Variants in FBXO17 observed in about 807,000 individuals in gnomAD.
FBXO17 encodes F-box only protein 17.
FBXO17 carries 43 observed loss-of-function variants against 34.1 expected under a neutral mutation model. That is an observed-to-expected ratio of 1.26 (90% confidence interval 0.99 to 1.62). The LOEUF (loss-of-function observed/expected upper bound fraction) is 1.62. FBXO17 is among the 40% of genes most tolerant of loss of function. The pLI, the probability that FBXO17 is intolerant of heterozygous loss-of-function variation, is 0.00. For synonymous variants in FBXO17, 169 were observed against 166.0 expected (o/e 1.02, Z -0.14); for missense variants, 424 against 386.7 (o/e 1.10, Z -0.81).
At chr19:38,957,144 C>T (rs377364904) in intron 1 of FBXO17, among the ~76,000 whole-genome samples, 1 of 150,986 alleles carries the variant, frequency 6.6e-6, no homozygotes, top group Non-Finnish European at 1.5e-5. Context: ...CTTGAACCCG[C>T]GAGGTGGAGG....
At chr19:38,946,844 A>T (rs905991990) in intron 3 of FBXO17, 20 of 459,184 alleles carry the variant, frequency 4.4e-5, no homozygotes, top group Middle Eastern at 6.1e-4. Context: ...CTACAAATGA[A>T]GGCCACATAC....
At chr19:38,951,847 C>G (rs979885717) in intron 1 of FBXO17, among the ~76,000 whole-genome samples, 32 of 151,768 alleles carry the variant, frequency 2.1e-4, no homozygotes, top group Admixed American at 6.6e-4. Flanking sequence ...GACAGTTTCA[C>G]CATGTTGGCC....
At chr19:38,952,381 AC>A (rs1271607321) in intron 1 of FBXO17, among the ~76,000 whole-genome samples, 1 of 152,148 alleles carries the variant, frequency 6.6e-6, no homozygotes, top group Non-Finnish European at 1.5e-5. Flanking sequence ...GGAACCCATG[AC>A]CCATCTTCAA....
intron 1 of FBXO17, among the ~76,000 whole-genome samples, chr19:38,973,405 C>T (rs373344478): frequency 2.6e-4 from 40 of 152,070 alleles, no homozygotes; most frequent in African/African-American, 8.2e-4. Flanking sequence ...ATACCCACTC[C>T]GTGAACAATT....
At chr19:38,943,696 T>C (rs1974928818) in intron 5 of FBXO17, among the ~76,000 whole-genome samples, 1 of 152,176 alleles carries the variant, frequency 6.6e-6, no homozygotes, top group African/African-American at 2.4e-5. Flanking sequence ...GTTCAATAAA[T>C]TCTCCCGCCT....
At chr19:38,961,049 C>G (rs1975242506) in intron 1 of FBXO17, among the ~76,000 whole-genome samples, 1 of 152,146 alleles carries the variant, frequency 6.6e-6, no homozygotes, top group African/African-American at 2.4e-5. Context: ...CTCAAGTGAT[C>G]CTCCCGCCTT....
intron 1 of FBXO17, among the ~76,000 whole-genome samples, chr19:38,950,802 T>G (rs1975072011): frequency 6.6e-6 from 1 of 152,224 alleles, no homozygotes; most frequent in Non-Finnish European, 1.5e-5. Flanking sequence ...AAGATTTTTT[T>G]TTTTTGAGAC....
At chr19:38,960,578 G>A (rs10416101) in intron 1 of FBXO17, among the ~76,000 whole-genome samples, 24,267 of 151,504 alleles carry the variant, frequency 0.16, 2,428 homozygotes, top group African/African-American at 0.28. Flanking sequence ...GCACGATCTC[G>A]GCTCACTGTA....
Position 38,972,415 on chromosome 19 carries a change from C to T in FBXO17, c.-18+3171G>A, listed in dbSNP as rs141795919. Among the ~76,000 whole-genome samples, 523 of 151,828 alleles carry T rather than the reference C, an allele frequency of 3.4e-3. 2 individuals are homozygous for T. Among genetic ancestry groups the T allele is most frequent in the African/African-American group, 0.012 (491 of 41,424 alleles). ...TAAAAATTAGCTGGGTGTGGTGGCA[C>T]GCACCTGTAATCCCAGCTACTCAGG... is the stretch of plus-strand genomic sequence containing the variant. On this transcript the variant is annotated intron_variant, in intron 1 of 5. Coordinates refer to ENST00000292852, the MANE Select transcript of FBXO17 (RefSeq NM_024907.7).
chr19:38,958,406 CAAAAAAAAAA>C (rs61007658), intron 1 of FBXO17, among the ~76,000 whole-genome samples: 5 of 98,738 alleles, frequency 5.1e-5, no homozygotes, highest in African/African-American at 1.8e-4. Flanking sequence ...GAAACTGTCT[CAAAAAAAAAA>C]AAAAAAAAAA....
At chr19:38,968,782 G>A (rs1377213086) in intron 1 of FBXO17, among the ~76,000 whole-genome samples, 1 of 152,170 alleles carries the variant, frequency 6.6e-6, no homozygotes, top group Admixed American at 6.6e-5. Context: ...CTACATGAAA[G>A]AGGCCAGATG....
intron 1 of FBXO17, among the ~76,000 whole-genome samples, chr19:38,969,782 G>T (rs1223966655): frequency 1.3e-5 from 2 of 151,924 alleles, no homozygotes; most frequent in Non-Finnish European, 2.9e-5. Flanking sequence ...ATTTTTAGTA[G>T]AGACAGGGTT....
chr19:38,954,466 C>T (rs1459702599), intron 1 of FBXO17, among the ~76,000 whole-genome samples: 1 of 151,360 alleles, frequency 6.6e-6, no homozygotes, highest in Non-Finnish European at 1.5e-5. Flanking sequence ...GACAGGGTTT[C>T]ACCATGTTGG....
Position 38,942,427 on chromosome 19 carries a change from AT to A in FBXO17, c.*180del, listed in dbSNP as rs1282575413. The A allele has an allele frequency of 1.7e-6, 1 of 573,544 alleles. No individual in the cohort carries two copies. Among genetic ancestry groups the A allele is most frequent in the Non-Finnish European group, 2.7e-6 (1 of 376,142 alleles). 35.5% of individuals were successfully genotyped at this position (573,544 alleles called of 1,614,324 possible). On this transcript the variant is annotated 3_prime_UTR_variant, in exon 6 of 6. Coordinates refer to ENST00000292852, the MANE Select transcript of FBXO17 (RefSeq NM_024907.7). ...CAGGCGGCACCACCATGCCTGGCTA[AT>A]TTTTTAAAAATTATTTGTGGAGACG...
At chr19:38,949,682 C>A in intron 2 of FBXO17, 2 of 539,886 alleles carry the variant, frequency 3.7e-6, no homozygotes, top group South Asian at 5.3e-5. Context: ...CCGCGCCTGG[C>A]CCCTGTCCTG....
chr19:38,946,373 C>G (rs534963898), intron 4 of FBXO17, 99 bp downstream of exon 4: 1 of 1,559,090 alleles, frequency 6.4e-7, no homozygotes, highest in Non-Finnish European at 8.7e-7. Flanking sequence ...CAGTGACAGC[C>G]GCTACCCGTG....
At chr19:38,972,532 G>C (rs1246708561) in intron 1 of FBXO17, among the ~76,000 whole-genome samples, 1 of 147,162 alleles carries the variant, frequency 6.8e-6, no homozygotes, top group African/African-American at 2.5e-5. Context: ...GCGACAGAGT[G>C]AGACCCCATC....
intron 5 of FBXO17, chr19:38,944,732 C>A: frequency 1.8e-6 from 1 of 562,824 alleles, no homozygotes; most frequent in Admixed American, 3.4e-5. Flanking sequence ...AGAGTGGTGC[C>A]CAGCACACAG....
chr19:38,950,428 G>C, intron 1 of FBXO17, 92 bp from the exon 2 acceptor site: 1 of 1,373,354 alleles, frequency 7.3e-7, no homozygotes, highest in Non-Finnish European at 9.3e-7. Flanking sequence ...CCTGCTGCTC[G>C]AGAGACCCCA....
Sources: allele counts gnomAD v4.1 joint callset (sites outside exome capture counted in the v4.1 genomes callset), GRCh38; gene constraint gnomAD v4.1.1; transcripts MANE v1.5; gene names NCBI Gene and HGNC (gene_info 2026-07-23, HGNC 2026-07-21).